The following PCDH15 variants were observed in gnomAD, a reference collection of about 807,000 sequenced individuals.
PCDH15 encodes the protein protocadherin related 15.
In PCDH15, 129 loss-of-function variants were observed where a neutral mutation model predicts 178.5. That is an observed-to-expected ratio of 0.72 (90% CI 0.63 to 0.84). PCDH15 has a LOEUF of 0.84. Ranked by LOEUF, PCDH15 falls within the 40% of genes least tolerant of loss-of-function variation. The pLI is 0.00. For synonymous variants in PCDH15, 800 were observed against 732.0 expected (o/e 1.09, Z -1.50); for missense variants, 2,230 against 2,099.9 (o/e 1.06, Z -1.21).
chr10:54,364,250 C>T (rs1278576633), intron 5 of PCDH15, among the ~76,000 whole-genome samples: 1 of 150,328 alleles, frequency 6.7e-6, no homozygotes, highest in Non-Finnish European at 1.5e-5. Flanking sequence ...AGTAAACTTG[C>T]TGAACTCACT....
At chr10:55,138,057 T>A (rs1223884966) in intron 2 of PCDH15, among the ~76,000 whole-genome samples, 1 of 152,180 alleles carries the variant, frequency 6.6e-6, no homozygotes, top group Non-Finnish European at 1.5e-5. Context: ...GCTAGTTAGA[T>A]GCACTTACTT....
At chr10:55,444,388 C>A (rs1272922212) in intron 2 of PCDH15, among the ~76,000 whole-genome samples, 1 of 151,708 alleles carries the variant, frequency 6.6e-6, no homozygotes, top group African/African-American at 2.4e-5. Context: ...TTATGTCTCA[C>A]TATTAATAAA....
chr10:54,780,595 TG>T (rs1469412247), intron 1 of PCDH15, among the ~76,000 whole-genome samples: 3 of 152,086 alleles, frequency 2.0e-5, no homozygotes, highest in African/African-American at 7.2e-5. Context: ...GAGACATTCT[TG>T]GAAACATTTT....
At chr10:54,365,640 A>G (rs1946677339) in intron 5 of PCDH15, among the ~76,000 whole-genome samples, 2 of 152,108 alleles carry the variant, frequency 1.3e-5, no homozygotes, top group African/African-American at 4.8e-5. Context: ...ACCTGCCATC[A>G]CTGTCGAGAA....
chr10:54,811,536 T>C (rs913496544), intron 3 of PCDH15, among the ~76,000 whole-genome samples: 6 of 152,164 alleles, frequency 3.9e-5, no homozygotes, highest in Admixed American at 3.9e-4. Flanking sequence ...AGTGGCAAGG[T>C]CTTGGCTCAC....
At chr10:54,886,264 T>A (rs533430535) in intron 3 of PCDH15, among the ~76,000 whole-genome samples, 27 of 152,294 alleles carry the variant, frequency 1.8e-4, no homozygotes, top group East Asian at 1.4e-3. Flanking sequence ...TTTCATTTTT[T>A]AAAAACGAAT....
chr10:54,495,230 A>AATAACTCATAACTC (rs1368605434), intron 3 of PCDH15, among the ~76,000 whole-genome samples: 1 of 152,146 alleles, frequency 6.6e-6, no homozygotes, highest in Non-Finnish European at 1.5e-5. Context: ...ATTTTATGTT[A>AATAACTCATAACTC]ATAACTCATC....
At chr10:55,106,636 G>A (rs1313901943) in intron 2 of PCDH15, among the ~76,000 whole-genome samples, 8 of 151,938 alleles carry the variant, frequency 5.3e-5, no homozygotes, top group East Asian at 1.9e-4. Context: ...GGCTGGTCTC[G>A]AACTCCTGAC....
chr10:55,019,091 CT>C (rs766147297), intron 2 of PCDH15, among the ~76,000 whole-genome samples: 10 of 151,976 alleles, frequency 6.6e-5, no homozygotes, highest in African/African-American at 1.7e-4. Context: ...TGCTCTAAAT[CT>C]TTTTTTATTA....
chr10:54,325,451 CAA>C (rs1937744311), intron 7 of PCDH15, among the ~76,000 whole-genome samples: 1 of 151,910 alleles, frequency 6.6e-6, no homozygotes, highest in Non-Finnish European at 1.5e-5. Context: ...ACCACCAACA[CAA>C]TATAAAAAAC....
At chr10:53,968,859 T>A (rs2089345776) in intron 21 of PCDH15, among the ~76,000 whole-genome samples, 1 of 152,102 alleles carries the variant, frequency 6.6e-6, no homozygotes, top group Admixed American at 6.6e-5. Context: ...TACATCACCA[T>A]CATCAAAGAC....
intron 1 of PCDH15, among the ~76,000 whole-genome samples, chr10:54,761,339 A>G (rs1159181203): frequency 6.6e-6 from 1 of 152,148 alleles, no homozygotes; most frequent in African/African-American, 2.4e-5. Flanking sequence ...CCTAGGTAAT[A>G]TGCTCAACTC....
chr10:54,865,935 A>T lies in PCDH15; in HGVS notation c.-29+31515T>A, dbSNP rs564850541. Among the ~76,000 whole-genome samples the T allele has an allele frequency of 1.5e-4, 23 of 152,284 alleles. No individual in the cohort carries two copies. The South Asian group carries it at 3.9e-3, about 26-fold the overall frequency. On this transcript the variant is annotated intron_variant, in intron 3 of 5. Coordinates refer to the PCDH15 transcript ENST00000458638. Reference sequence around the variant, plus strand: ...GGATAAAGAATTTGGGCAGAACAATAATATATATCTCTAATGAAACAAGGT... The same window carrying T: ...GGATAAAGAATTTGGGCAGAACAATTATATATATCTCTAATGAAACAAGGT...
At chr10:55,346,718 G>A (rs1588939514) in intron 2 of PCDH15, among the ~76,000 whole-genome samples, 1 of 150,288 alleles carries the variant, frequency 6.7e-6, no homozygotes, top group African/African-American at 2.4e-5. Context: ...GCTCTACAAT[G>A]AGAGGTTAAT....
chr10:53,872,887 T>C (rs2079973107), intron 26 of PCDH15, among the ~76,000 whole-genome samples: 1 of 152,190 alleles, frequency 6.6e-6, no homozygotes, highest in Admixed American at 6.5e-5. Context: ...CTGTACTTAC[T>C]TTGACTACTT....
At chr10:54,088,552 G>A (rs757855091) in intron 16 of PCDH15, among the ~76,000 whole-genome samples, 22 of 151,962 alleles carry the variant, frequency 1.4e-4, no homozygotes, top group Admixed American at 2.6e-4. Context: ...AAAAATTGAC[G>A]AGACCCAATT....
intron 3 of PCDH15, among the ~76,000 whole-genome samples, chr10:54,835,551 CA>C (rs1181632194): frequency 6.6e-6 from 1 of 151,994 alleles, no homozygotes; most frequent in Non-Finnish European, 1.5e-5. Context: ...AGACAAACAC[CA>C]CCAACATACA....
chr10:53,910,457 T>C (rs996457699), intron 25 of PCDH15, among the ~76,000 whole-genome samples: 4 of 152,134 alleles, frequency 2.6e-5, no homozygotes, highest in Non-Finnish European at 5.9e-5. Flanking sequence ...CAGAAAGGAA[T>C]AGCATCATCA....
intron 8 of PCDH15, among the ~76,000 whole-genome samples, chr10:54,239,111 G>A (rs1008690053): frequency 3.3e-5 from 5 of 151,952 alleles, no homozygotes; most frequent in Admixed American, 6.6e-5. Flanking sequence ...TTAGCTTTTC[G>A]TTTGGAATGT....
Sources: gnomAD v4.1 joint callset for allele counts (sites outside exome capture counted in the v4.1 genomes callset) on GRCh38, gnomAD v4.1.1 for gene constraint, MANE v1.5 for transcripts, NCBI Gene and HGNC (gene_info 2026-07-23, HGNC 2026-07-21) for gene names.